The following ACTR3C variants were observed in gnomAD, a reference collection of about 807,000 sequenced individuals.
ACTR3C encodes the protein actin-related protein 3C.
A neutral mutation model predicts 26.3 loss-of-function variants in ACTR3C; 18 were observed. The observed-to-expected ratio is 0.68, with a 90% CI of 0.47 to 1.01. The LOEUF is 1.01. ACTR3C is among the 50% of genes least tolerant of loss of function. The pLI is 0.00. For missense variants in ACTR3C, 184 were observed against 250.7 expected, an observed-to-expected ratio of 0.73 and a Z score of 1.80; for synonymous variants, 55 against 94.5, an observed-to-expected ratio of 0.58 and a Z score of 2.42.
At chr7:150,136,607 T>A in the ACTR3C span, among the ~76,000 whole-genome samples, 1 of 151,706 alleles carries the variant, frequency 6.6e-6, no homozygotes, top group Admixed American at 6.6e-5. Flanking sequence ...GAGATGGAGA[T>A]TGTAGTGAGC....
At chr7:150,282,417 C>A (rs1278620974) in intron 6 of ACTR3C, among the ~76,000 whole-genome samples, 2 of 151,658 alleles carry the variant, frequency 1.3e-5, no homozygotes, top group Non-Finnish European at 2.9e-5. Context: ...AAGGAGGTGA[C>A]CTCCTTTGTG....
chr7:150,009,406 C>T, the ACTR3C span, among the ~76,000 whole-genome samples: 3 of 152,228 alleles, frequency 2.0e-5, no homozygotes, highest in South Asian at 2.1e-4. Flanking sequence ...CAACACTGCG[C>T]GAAGTGCATT....
chr7:150,117,856 G>A, the ACTR3C span, among the ~76,000 whole-genome samples: 70,563 of 151,966 alleles, frequency 0.46, 16,979 homozygotes, highest in African/African-American at 0.6. Context: ...TCTGGTGGGT[G>A]CCCCTCTGGG....
chr7:150,202,740 C>T, the ACTR3C span, among the ~76,000 whole-genome samples: 3 of 152,176 alleles, frequency 2.0e-5, no homozygotes, highest in Non-Finnish European at 2.9e-5. Flanking sequence ...AGAAATAGAA[C>T]ATTGGTATTG....
At chr7:150,293,618 A>C (rs1397764653) in intron 2 of ACTR3C, among the ~76,000 whole-genome samples, 199 bp from the exon 3 acceptor site, 1 of 152,118 alleles carries the variant, frequency 6.6e-6, no homozygotes, top group African/African-American at 2.4e-5. Flanking sequence ...TTGAGTACTT[A>C]CAACTATAGG....
chr7:150,055,862 C>T, the ACTR3C span, among the ~76,000 whole-genome samples: 1 of 151,550 alleles, frequency 6.6e-6, no homozygotes, highest in Non-Finnish European at 1.5e-5. Context: ...CTAGTTTGGA[C>T]TCATTGCTTT....
At chr7:150,155,340 C>A in the ACTR3C span, among the ~76,000 whole-genome samples, 1 of 151,818 alleles carries the variant, frequency 6.6e-6, no homozygotes, top group African/African-American at 2.4e-5. Context: ...ACAGTCAGCA[C>A]GCTCATTCAA....
At chr7:149,963,443 A>G in the ACTR3C span, among the ~76,000 whole-genome samples, 1 of 152,138 alleles carries the variant, frequency 6.6e-6, no homozygotes, top group African/African-American at 2.4e-5. Context: ...ATGCCTAACT[A>G]ATGTCATCCT....
chr7:149,938,733 G>C, the ACTR3C span, among the ~76,000 whole-genome samples: 3 of 151,886 alleles, frequency 2.0e-5, no homozygotes, highest in East Asian at 5.8e-4. Flanking sequence ...TATACAAAAA[G>C]AGAACGTAAT....
chr7:150,305,476 C>T lies in ACTR3C; in HGVS notation c.-51-10129G>A, dbSNP rs1795739783. Among the ~76,000 whole-genome samples, 3 of 152,082 alleles carry T rather than the reference C, an allele frequency of 2.0e-5. No homozygotes were observed. The South Asian group carries it at 6.2e-4, about 32-fold the overall frequency. On this transcript the variant is annotated intron_variant, in intron 1 of 7. Transcript: ENST00000683684. ...CACTGTCTACACTGTGCAAAGGCTGCCTGACCTCCTCTCTCCACACTCCCC... is the reference window on the plus strand; with the variant it reads ...CACTGTCTACACTGTGCAAAGGCTGTCTGACCTCCTCTCTCCACACTCCCC...
the ACTR3C span, among the ~76,000 whole-genome samples, chr7:149,886,524 C>T: frequency 1.0e-3 from 155 of 152,220 alleles, no homozygotes; most frequent in Non-Finnish European, 1.9e-3. Flanking sequence ...CACTGGCACT[C>T]CAGATACTAA....
chr7:150,130,839 G>C, the ACTR3C span, among the ~76,000 whole-genome samples: 1 of 152,142 alleles, frequency 6.6e-6, no homozygotes, highest in African/African-American at 2.4e-5. Flanking sequence ...CAACGACACG[G>C]ATGAATCTTG....
the ACTR3C span, among the ~76,000 whole-genome samples, chr7:149,905,862 G>A: frequency 0.46 from 69,661 of 151,638 alleles, 18,748 homozygotes; most frequent in South Asian, 0.73. Flanking sequence ...GCCTCCTGGA[G>A]GAGTAACGTG....
the ACTR3C span, among the ~76,000 whole-genome samples, chr7:149,928,821 C>T: frequency 6.6e-6 from 1 of 151,222 alleles, no homozygotes; most frequent in African/African-American, 2.4e-5. Context: ...TCAGCCTGGG[C>T]AACACAGCAA....
chr7:150,038,662 G>T, the ACTR3C span, among the ~76,000 whole-genome samples: 1 of 144,856 alleles, frequency 6.9e-6, no homozygotes, highest in East Asian at 2.0e-4. Flanking sequence ...CCCACGTAAG[G>T]TCGGAAGATT....
the ACTR3C span, among the ~76,000 whole-genome samples, chr7:150,113,418 C>A: frequency 6.7e-6 from 1 of 149,722 alleles, no homozygotes; most frequent in Admixed American, 6.6e-5. Context: ...ACTACACAAA[C>A]CATGCATTCT....
chr7:149,940,565 G>C, the ACTR3C span, among the ~76,000 whole-genome samples: 2 of 152,156 alleles, frequency 1.3e-5, no homozygotes, highest in African/African-American at 2.4e-5. Context: ...CTCTGGGCCT[G>C]GCCAAATACT....
the ACTR3C span, among the ~76,000 whole-genome samples, chr7:149,883,332 G>A: frequency 6.6e-6 from 1 of 152,096 alleles, no homozygotes; most frequent in African/African-American, 2.4e-5. Context: ...AACCCCACCC[G>A]TGCCCCCAAC....
At chr7:150,215,157 A>G in the ACTR3C span, among the ~76,000 whole-genome samples, 1 of 151,974 alleles carries the variant, frequency 6.6e-6, no homozygotes, top group Non-Finnish European at 1.5e-5. Context: ...AATAGAAGGT[A>G]AGAAGGCTAT....
Sources: allele counts gnomAD v4.1 joint callset (sites outside exome capture counted in the v4.1 genomes callset), GRCh38; gene constraint gnomAD v4.1.1; transcripts MANE v1.5; gene names NCBI Gene and HGNC (gene_info 2026-07-23, HGNC 2026-07-21).